MACF1: variants seen among roughly 807,000 people sequenced by gnomAD.
The protein encoded by MACF1 is microtubule actin crosslinking factor 1.
In MACF1, 193 loss-of-function variants were observed where a neutral mutation model predicts 854.8. That is an observed-to-expected ratio of 0.23 (90% CI 0.20 to 0.25). The LOEUF (loss-of-function observed/expected upper bound fraction) is 0.25, where lower values mean the gene tolerates loss of function less well. Among genes scored for constraint, MACF1 ranks in the 10% least tolerant of loss-of-function variants. MACF1 has a pLI of 1.00. For missense variants in MACF1, 7,722 were observed against 8,929.1 expected (o/e 0.86, Z 5.45); for synonymous variants, 3,185 against 3,226.7 (o/e 0.99, Z 0.44).
Position 39,430,056 on chromosome 1 carries a change from G to C in MACF1, c.17118G>C (p.Gln5706His), listed in dbSNP as rs767911578. 5 of 1,613,626 alleles carry C rather than the reference G, an allele frequency of 3.1e-6. No individual in the cohort carries two copies. Among genetic ancestry groups the C allele is most frequent in the Non-Finnish European group, 8.5e-7 (1 of 1,179,784 alleles). ...CAGGGGAACAGATACCCCAGTTTCA[G>C]CAGAGACAGAAGGTGAGCTGTTACT... ...SPTGEQIPQF[Q>H]QRQKELKKEV... The change falls in exon 65 of 101, where the codon CAG becomes CAC. Residue 5706 changes from glutamine to histidine, a missense_variant. This residue lies in a region of MACF1 where 2,807 missense variants were observed against 3,235.8 expected (regional missense o/e 0.87). Coordinates refer to ENST00000564288, the MANE Select transcript of MACF1 (RefSeq NM_001394062.1).
In MACF1 at chr1:39,289,693, C is replaced by CTTTTTTTTTTTTTTTTTTTTTTT. The variant is rs58188740; in HGVS notation, c.1785+2141_1785+2163dup. On this transcript the variant is annotated intron_variant, in intron 15 of 100. Transcript: ENST00000564288. Reference sequence around the variant, plus strand: ...ATTTTCTCCCATTCTGTGGGTTGTCCTTTTTTTTTTTTTTTTTTTTTTTTT... The same window carrying CTTTTTTTTTTTTTTTTTTTTTTT: ...ATTTTCTCCCATTCTGTGGGTTGTCCTTTTTTTTTTTTTTTTTTTTTTTTTTTTTTTTTTTTTTTTTTTTTTTT... Among the ~76,000 whole-genome samples, 6 of 28,940 alleles carry CTTTTTTTTTTTTTTTTTTTTTTT rather than the reference C, an allele frequency of 2.1e-4. 3 individuals are homozygous for CTTTTTTTTTTTTTTTTTTTTTTT. Among genetic ancestry groups the CTTTTTTTTTTTTTTTTTTTTTTT allele is most frequent in the African/African-American group, 2.6e-4 (2 of 7,668 alleles). The allele number at this position is 28,940 out of a possible 152,430, so 19.0% of individuals were successfully genotyped here.
At chr1:39,327,374 C>T (rs777383201) in intron 36 of MACF1, 21 bp downstream of exon 36, 11 of 1,574,252 alleles carry the variant, frequency 7.0e-6, no homozygotes, top group Admixed American at 1.7e-5. Flanking sequence ...TTTTCATCTC[C>T]AAATATTGGG....
At chr1:39,169,427 C>T (rs1342580445) in intron 2 of MACF1, among the ~76,000 whole-genome samples, 1 of 152,034 alleles carries the variant, frequency 6.6e-6, no homozygotes, top group Non-Finnish European at 1.5e-5. Context: ...GAAACTGTGT[C>T]TCTACAAGAA....
At chr1:39,171,554 T>C (rs1316986198) in intron 2 of MACF1, among the ~76,000 whole-genome samples, 1 of 152,236 alleles carries the variant, frequency 6.6e-6, no homozygotes, top group African/African-American at 2.4e-5. Flanking sequence ...CTTCTTTCAC[T>C]TAGCATATGC....
In MACF1 at chr1:39,283,155, G is replaced by A; in HGVS notation, c.696-34G>A. 2 of 1,265,396 alleles carry A rather than the reference G, an allele frequency of 1.6e-6. No individual in the cohort carries two copies. Among genetic ancestry groups the A allele is most frequent in the South Asian group, 2.7e-5 (2 of 73,046 alleles). The allele number at this position is 1,265,396 out of a possible 1,614,324, so 78.4% of individuals were successfully genotyped here. On this transcript the variant is annotated intron_variant, in intron 7 of 100. Coordinates refer to ENST00000564288, the MANE Select transcript of MACF1 (RefSeq NM_001394062.1). This position sits in a 1 kb window ranked among gnomAD's most constrained non-coding sequence, Gnocchi z 4.5. Reference sequence around the variant, plus strand: ...TAAACTCATGTGTGATGTGTAGATGGTGGCGTTTCATGTGCCTTGCTGGAC... The same window carrying A: ...TAAACTCATGTGTGATGTGTAGATGATGGCGTTTCATGTGCCTTGCTGGAC...
At chr1:39,124,379 G>A (rs995996415) in intron 2 of MACF1, among the ~76,000 whole-genome samples, 5 of 152,054 alleles carry the variant, frequency 3.3e-5, no homozygotes, top group African/African-American at 1.2e-4. Context: ...ATGTGTAATA[G>A]GGGAACTCTC....
chr1:39,318,576 G>A lies in MACF1; in HGVS notation c.3906G>A (p.Glu1302=). The A allele has an allele frequency of 5.0e-6, 8 of 1,613,742 alleles. No homozygotes were observed. Among genetic ancestry groups the A allele is most frequent in the Non-Finnish European group, 6.8e-6 (8 of 1,179,852 alleles). ...AAATGATGAAGCCAGGCCAGGCAGA[G>A]GATAGCAGAGTGCTTTCGGAGCAGC... ...QQEMMKPGQA[E]DSRVLSEQLS... The change falls in exon 30 of 101, where the codon GAG becomes GAA. Residue 1302 remains glutamate, a synonymous_variant. Coordinates refer to ENST00000564288, the MANE Select transcript of MACF1 (RefSeq NM_001394062.1).
chr1:39,338,432 A>G (rs376344184), intron 38 of MACF1, among the ~76,000 whole-genome samples: 3 of 152,204 alleles, frequency 2.0e-5, no homozygotes, highest in Non-Finnish European at 2.9e-5. Flanking sequence ...GATTTATACT[A>G]CAGAACTCCC....
At chr1:39,275,664 A>C (rs1645420806) in intron 6 of MACF1, among the ~76,000 whole-genome samples, 1 of 152,186 alleles carries the variant, frequency 6.6e-6, no homozygotes, top group African/African-American at 2.4e-5. Flanking sequence ...GTTCTTTAGA[A>C]AGTAGTTTGA....
chr1:39,169,776 T>TCTTTC (rs1381645539), intron 2 of MACF1, among the ~76,000 whole-genome samples: 206 of 137,210 alleles, frequency 1.5e-3, no homozygotes, highest in African/African-American at 5.3e-3. Flanking sequence ...TTTCTTTCTT[T>TCTTTC]TTTTTTTTTT....
chr1:39,458,315 C>T (rs1462193598), intron 89 of MACF1, 55 bp from the exon 90 acceptor site: 10 of 1,575,114 alleles, frequency 6.3e-6, no homozygotes, highest in Non-Finnish European at 8.7e-6. Context: ...CCTTTGCCCC[C>T]ATAAGAGTAA....
intron 2 of MACF1, among the ~76,000 whole-genome samples, chr1:39,158,420 T>G (rs1054342245): frequency 1.3e-5 from 2 of 152,214 alleles, no homozygotes; most frequent in African/African-American, 2.4e-5. Context: ...ACATGACTGC[T>G]GTAAGGAGAG....
Position 39,388,533 on chromosome 1 carries a change from G to A in MACF1, c.15691G>A (p.Glu5231Lys). 1.9e-6 allele frequency: 3 copies of A among 1,614,168 alleles called. No homozygotes were observed. Among genetic ancestry groups the A allele is most frequent in the Non-Finnish European group, 2.5e-6 (3 of 1,180,032 alleles). The change falls in exon 58 of 101, where the codon GAG becomes AAG. Residue 5231 changes from glutamate (E) to lysine (K), a missense_variant. By Grantham distance (56) the Glu-to-Lys change is moderately conservative (BLOSUM62 1). This residue lies in a region of MACF1 where 2,807 missense variants were observed against 3,235.8 expected (regional missense o/e 0.87). Transcript: ENST00000564288. ...GCTGGAACTGACACTAGGCCGTGTA[G>A]AGGACTTCTACAGGAAATTGAAAGG... is the stretch of plus-strand genomic sequence containing the variant. ...EQLELTLGRV[E>K]DFYRKLKGLN...
At chr1:39,255,640 G>T (rs772127192) in intron 5 of MACF1, among the ~76,000 whole-genome samples, 4 of 152,126 alleles carry the variant, frequency 2.6e-5, no homozygotes, top group Non-Finnish European at 5.9e-5. Flanking sequence ...TGCATTATAG[G>T]CTCCGTGAGG....
intron 58 of MACF1, among the ~76,000 whole-genome samples, chr1:39,415,030 G>A (rs1446331573): frequency 6.6e-6 from 1 of 152,138 alleles, no homozygotes; most frequent in Non-Finnish European, 1.5e-5. Context: ...CCAATCACTG[G>A]CCATATCCTC....
chr1:39,177,289 A>G (rs1644042351), intron 2 of MACF1, among the ~76,000 whole-genome samples: 1 of 151,952 alleles, frequency 6.6e-6, no homozygotes. Context: ...CGCCCAGCTA[A>G]TTTTGTATTT....
intron 2 of MACF1, among the ~76,000 whole-genome samples, chr1:39,240,658 C>T (rs1644911733): frequency 1.3e-5 from 2 of 152,308 alleles, no homozygotes; most frequent in African/African-American, 4.8e-5. Flanking sequence ...GCCACCACGC[C>T]TGGCTAATTT....
intron 2 of MACF1, among the ~76,000 whole-genome samples, chr1:39,095,553 C>G (rs1330529025): frequency 9.3e-6 from 1 of 107,310 alleles, no homozygotes; most frequent in East Asian, 3.0e-4. Flanking sequence ...CAGAGTGAGA[C>G]TCTGTCTCAA....
rs753139063 is a variant in MACF1 at position 39,387,800 on chromosome 1, G to T, written c.14958G>T (p.Gly4986=). 1 of 1,614,154 alleles carries T rather than the reference G, an allele frequency of 6.2e-7. No homozygotes were observed. Among genetic ancestry groups the T allele is most frequent in the South Asian group, 1.1e-5 (1 of 91,078 alleles). The stretch of plus-strand genomic sequence containing the variant: ...ATGGAATCCGGGATGAGAAGGCTGG[G>T]ATCAACCAGAACATGGATGCTGTTA... ...DEDGIRDEKA[G]INQNMDAVTE... is the part of the protein sequence containing the mutation. The change falls in exon 58 of 101, where the codon GGG becomes GGT. Residue 4986 remains glycine (G), a synonymous_variant. Transcript: ENST00000564288.
Sources: gnomAD v4.1 joint callset for allele counts (sites outside exome capture counted in the v4.1 genomes callset) on GRCh38, gnomAD v4.1.1 for gene constraint, gnomAD v4.1.1 regional missense constraint, Gnocchi (gnomAD v3.1) non-coding constraint, MANE v1.5 for transcripts, NCBI Gene and HGNC (gene_info 2026-07-23, HGNC 2026-07-21) for gene names.